The following MYO5B variants were observed in gnomAD, a reference collection of about 807,000 sequenced individuals.
MYO5B encodes the protein myosin VB, also known as unconventional myosin-Vb.
In MYO5B, 143 loss-of-function variants were observed where a neutral mutation model predicts 229.3. The ratio of observed to expected loss-of-function variants is 0.62; its 90% CI spans 0.54 to 0.72. MYO5B has a LOEUF of 0.72. MYO5B is among the 30% of genes least tolerant of loss of function. The probability of loss-of-function intolerance (pLI) is 0.00; values close to 1 mark genes in which losing one functional copy is unlikely to be tolerated. For synonymous variants in MYO5B, 918 were observed against 885.2 expected (o/e 1.04, Z -0.66); for missense variants, 2,321 against 2,331.0 (o/e 1.00, Z 0.09).
intron 1 of MYO5B, among the ~76,000 whole-genome samples, chr18:50,102,446 G>C (rs1375461334): frequency 6.6e-6 from 1 of 152,140 alleles, no homozygotes; most frequent in African/African-American, 2.4e-5. Flanking sequence ...GATCCAGGTG[G>C]AGAAAAGCCA....
intron 21 of MYO5B, among the ~76,000 whole-genome samples, chr18:49,898,504 G>A (rs528599534): frequency 6.6e-5 from 10 of 152,284 alleles, no homozygotes; most frequent in Admixed American, 3.3e-4. Flanking sequence ...GGACTACATC[G>A]TTTTACTGAA....
chr18:50,126,953 G>GA (rs1420609429), intron 1 of MYO5B, among the ~76,000 whole-genome samples: 2 of 152,152 alleles, frequency 1.3e-5, no homozygotes, highest in Admixed American at 6.5e-5. Flanking sequence ...TAGTGTCACA[G>GA]AAAAAAGCAA....
chr18:49,920,306 A>G (rs1007179376), intron 17 of MYO5B, among the ~76,000 whole-genome samples: 6 of 152,206 alleles, frequency 3.9e-5, no homozygotes, highest in Admixed American at 2.0e-4. Flanking sequence ...TAGATAAATT[A>G]TATCTAAATT....
intron 22 of MYO5B, among the ~76,000 whole-genome samples, chr18:49,890,306 CCT>C (rs1049450479): frequency 1.7e-4 from 26 of 152,168 alleles, no homozygotes; most frequent in African/African-American, 6.3e-4. Flanking sequence ...GGCTGCATCC[CCT>C]GAGCATGATA....
chr18:49,880,382 C>T lies in MYO5B; in HGVS notation c.3119G>A (p.Cys1040Tyr). Residue 1040 changes from cysteine to tyrosine, a missense_variant, in exon 23 of 40, where the codon TGC becomes TAC. This residue lies in a region of MYO5B where 2,113 missense variants were observed against 2,044.7 expected (regional missense o/e 1.03). Coordinates refer to ENST00000285039, the MANE Select transcript of MYO5B (RefSeq NM_001080467.3). The part of the protein sequence containing the change: ...EKEQLNNQIL[C>Y]QSKDEFAQNS... ...GCTTTGGTACTTACCTTTAGACTGG[C>T]ACAGGATTTGGTTGTTGAGCTGTTC... The T allele has an allele frequency of 6.2e-7, 1 of 1,613,914 alleles. No homozygotes were observed. The highest frequency in any genetic ancestry group is 8.5e-7 in the Non-Finnish European group (1 of 1,179,840).
At chr18:50,039,360 C>T (rs947700195) in intron 3 of MYO5B, among the ~76,000 whole-genome samples, 1 of 152,138 alleles carries the variant, frequency 6.6e-6, no homozygotes, top group Non-Finnish European at 1.5e-5. Context: ...GAGACATAGT[C>T]TCACTTTGTC....
intron 16 of MYO5B, among the ~76,000 whole-genome samples, chr18:49,935,538 G>C (rs561580856): frequency 2.0e-5 from 3 of 152,338 alleles, no homozygotes; most frequent in Middle Eastern, 3.4e-3. Flanking sequence ...ATCATTCTTG[G>C]GGGGTGGCAG....
chr18:50,071,552 A>G (rs1488474844), intron 1 of MYO5B, among the ~76,000 whole-genome samples: 1 of 152,066 alleles, frequency 6.6e-6, no homozygotes, highest in Non-Finnish European at 1.5e-5. Flanking sequence ...TATCTAAATA[A>G]CTCATCAGCA....
At chr18:50,108,580 G>A (rs2031805485) in intron 1 of MYO5B, among the ~76,000 whole-genome samples, 1 of 152,164 alleles carries the variant, frequency 6.6e-6, no homozygotes. Flanking sequence ...TCTCCAGGCA[G>A]CCTAGACCGG....
At chr18:50,048,780 T>C (rs1298847206) in intron 2 of MYO5B, among the ~76,000 whole-genome samples, 3 of 151,994 alleles carry the variant, frequency 2.0e-5, no homozygotes, top group African/African-American at 7.3e-5. Flanking sequence ...CCCAGCACTT[T>C]GGGAGGCAGA....
At chr18:49,914,655 C>A (rs1186143355) in intron 17 of MYO5B, among the ~76,000 whole-genome samples, 2 of 151,624 alleles carry the variant, frequency 1.3e-5, no homozygotes, top group African/African-American at 2.4e-5. Context: ...TGGTGGATGC[C>A]TGTAGTACCA....
In MYO5B at chr18:50,170,005, G is replaced by A. The variant is rs554171730; in HGVS notation, c.27+24762C>T. Among the ~76,000 whole-genome samples the A allele has an allele frequency of 6.1e-4, 77 of 127,266 alleles. 20 individuals are homozygous for A. The highest frequency in any genetic ancestry group is 1.9e-3 in the African/African-American group (65 of 33,780). The allele number at this position is 127,266 out of a possible 152,430, so 83.5% of individuals were successfully genotyped here. A position where few individuals can be genotyped will look rare whatever the true frequency, so the allele number is the denominator to read the frequency against. On this transcript the variant is annotated intron_variant, in intron 1 of 39. Transcript: ENST00000285039. Reference sequence around the variant, plus strand: ...TTGATTGTCGATGTCATGGTAGTAGGGTTTTCTGTTACAGCCAAAGAAGTC... The same window carrying A: ...TTGATTGTCGATGTCATGGTAGTAGAGTTTTCTGTTACAGCCAAAGAAGTC...
At chr18:49,911,515 A>G (rs776534408) in intron 18 of MYO5B, among the ~76,000 whole-genome samples, 32 of 152,248 alleles carry the variant, frequency 2.1e-4, no homozygotes, top group Non-Finnish European at 3.4e-4. Context: ...TATAATCTTA[A>G]GACTAACCTT....
intron 1 of MYO5B, among the ~76,000 whole-genome samples, chr18:50,186,985 T>G (rs554450144): frequency 1.3e-5 from 2 of 152,306 alleles, no homozygotes; most frequent in South Asian, 4.1e-4. Flanking sequence ...CAGGCATCAT[T>G]TGCAAGAACC....
intron 12 of MYO5B, among the ~76,000 whole-genome samples, chr18:49,954,728 A>G (rs1372885870): frequency 6.6e-6 from 1 of 152,204 alleles, no homozygotes; most frequent in Non-Finnish European, 1.5e-5. Flanking sequence ...AGCCAAGGTC[A>G]CAGGAGCAGA....
At chr18:50,164,686 C>G (rs544483275) in intron 1 of MYO5B, among the ~76,000 whole-genome samples, 1 of 152,180 alleles carries the variant, frequency 6.6e-6, no homozygotes, top group East Asian at 1.9e-4. Flanking sequence ...ACCTATCAAT[C>G]CATCATGTAG....
At chr18:50,118,312 G>A (rs921664190) in intron 1 of MYO5B, among the ~76,000 whole-genome samples, 4 of 152,174 alleles carry the variant, frequency 2.6e-5, no homozygotes, top group South Asian at 4.1e-4. Context: ...AGATAGGACC[G>A]CATGTGTCCA....
intron 21 of MYO5B, among the ~76,000 whole-genome samples, chr18:49,896,732 G>T (rs2024783445): frequency 1.3e-5 from 2 of 152,314 alleles, no homozygotes; most frequent in African/African-American, 4.8e-5. Flanking sequence ...CTAATGCGAA[G>T]TATGATGTAT....
chr18:50,016,076 G>A lies in MYO5B; in HGVS notation c.456-14665C>T, dbSNP rs184232655. 2.5e-3 allele frequency among the ~76,000 whole-genome samples: 386 copies of A among 152,324 alleles called. 4 individuals carry two copies. Among genetic ancestry groups the A allele is most frequent in the Admixed American group, 9.8e-3 (150 of 15,310 alleles). ...GGTAGAGAAGTGACACAGGGAAAGG[G>A]CCAAAGATGGGAGGTATCAGACAGT... On this transcript the variant is annotated intron_variant, in intron 4 of 39. Coordinates refer to ENST00000285039, the MANE Select transcript of MYO5B (RefSeq NM_001080467.3).
Sources: allele counts gnomAD v4.1 joint callset (sites outside exome capture counted in the v4.1 genomes callset), GRCh38; gene constraint gnomAD v4.1.1; regional missense constraint gnomAD v4.1.1; transcripts MANE v1.5; gene names NCBI Gene and HGNC (gene_info 2026-07-23, HGNC 2026-07-21).